Variants in INF2 observed in about 807,000 individuals in gnomAD.
INF2 encodes inverted formin-2.
A neutral mutation model predicts 123.5 loss-of-function variants in INF2; 43 were observed. The observed-to-expected ratio is 0.35, with a 90% CI of 0.27 to 0.45. The LOEUF is 0.45. INF2 is among the 20% of genes least tolerant of loss of function. The pLI is 1.00. For missense variants in INF2, 1,453 were observed against 1,682.7 expected (o/e 0.86, Z 2.39); for synonymous variants, 851 against 745.0 (o/e 1.14, Z -2.32).
At chr14:104,704,513 T>G (rs1390411738) in intron 5 of INF2, 1 of 183,512 alleles carries the variant, frequency 5.4e-6, no homozygotes, top group African/African-American at 2.3e-5. Flanking sequence ...CTGCACCTCA[T>G]GTCAGATCAG....
chr14:104,718,710 G>T, intron 22 of INF2, 85 bp from the exon 23 acceptor site: 1 of 1,572,444 alleles, frequency 6.4e-7, no homozygotes, highest in South Asian at 1.2e-5. Flanking sequence ...GAGGGGTTCA[G>T]GGACCTGGGC....
rs200713451 is a variant in INF2 at position 104,703,122 on chromosome 14, G to A, written c.409G>A (p.Val137Met). 2.8e-5 allele frequency: 45 copies of A among 1,613,486 alleles called. No homozygotes were observed. Among genetic ancestry groups the A allele is most frequent in the Admixed American group, 2.0e-4 (12 of 60,002 alleles). ...CCTGGCAGCCCTGGACACATCCAACGTGATGGTGAAGAAGCAGGTGTTTGA... is the reference window on the plus strand; with the variant it reads ...CCTGGCAGCCCTGGACACATCCAACATGATGGTGAAGAAGCAGGTGTTTGA... ...QLSQALDTSNVMVKKQVFELL... is the reference protein window; with the variant it reads ...QLSQALDTSNMMVKKQVFELL... The change falls in exon 3 of 23, where the codon GTG becomes ATG. Residue 137 changes from valine to methionine, a missense_variant. Val to Met is a conservative substitution (Grantham distance 21). This residue lies in a region of INF2 where 251 missense variants were observed against 349.4 expected (regional missense o/e 0.72). Transcript: ENST00000392634.
chr14:104,699,342 G>A lies in INF2; in HGVS notation c.-9-2015G>A, dbSNP rs1241948242. 1 of 956,084 alleles carries A rather than the reference G, an allele frequency of 1.0e-6. No individual in the cohort carries two copies. The highest frequency in any genetic ancestry group is 1.2e-6 in the Non-Finnish European group (1 of 803,488). 59.2% of individuals were successfully genotyped at this position (956,084 alleles called of 1,614,324 possible). A position where few individuals can be genotyped will look rare whatever the true frequency, so the allele number is the denominator to read the frequency against. On this transcript the variant is annotated intron_variant, in intron 1 of 22. Coordinates refer to ENST00000392634, the MANE Select transcript of INF2 (RefSeq NM_022489.4). This position sits in a 1 kb window ranked among gnomAD's most constrained non-coding sequence, Gnocchi z 4.7. ...GGGAGGAAAGGAGGGTCAGTTCTGGGGCCTCTTTAGGCAGCAACAGCCAAG... is the reference window on the plus strand; with the variant it reads ...GGGAGGAAAGGAGGGTCAGTTCTGGAGCCTCTTTAGGCAGCAACAGCCAAG...
At chr14:104,689,611 C>CCCCCCCCCCCCG, upstream of INF2, 1 of 875,980 alleles carries the variant, frequency 1.1e-6, no homozygotes, top group Non-Finnish European at 1.4e-6. Context: ...CCGCCCGCCC[C>CCCCCCCCCCCCG]GCGCCCGCCA....
chr14:104,707,659 A>T lies in INF2; in HGVS notation c.1392A>T (p.Pro464=). 2.3e-6 allele frequency: 1 copy of T among 442,028 alleles called. No homozygotes were observed. Among genetic ancestry groups the T allele is most frequent in the Non-Finnish European group, 3.5e-6 (1 of 284,896 alleles). The allele number at this position is 442,028 out of a possible 1,614,324, so 27.4% of individuals were successfully genotyped here. The part of the protein sequence containing the change: ...LPTAPPPPPL[P]GLGAMAPPAP... ...CAGCACCCCCGCCCCCACCCCTGCC[A>T]GGCCTGGGGGCCATGGCCCCCCCAG... The change falls in exon 8 of 23, where the codon CCA becomes CCT. Residue 464 remains proline, a synonymous_variant. Coordinates refer to ENST00000392634, the MANE Select transcript of INF2 (RefSeq NM_022489.4).
chr14:104,698,137 G>A (rs749170253), intron 1 of INF2, among the ~76,000 whole-genome samples: 7 of 152,352 alleles, frequency 4.6e-5, no homozygotes, highest in East Asian at 1.9e-4. Flanking sequence ...TGGTGGCCCC[G>A]CCAACCCACT....
chr14:104,706,112 T>G lies in INF2; in HGVS notation c.779T>G (p.Leu260Arg), dbSNP rs770888317. The G allele has an allele frequency of 8.7e-6, 14 of 1,611,988 alleles. No homozygotes were observed. The South Asian group carries it at 1.5e-4, about 18-fold the overall frequency. ...EAKAEDEEELLRVSGGVDMSS... is the reference protein window; with the variant it reads ...EAKAEDEEELRRVSGGVDMSS... The stretch of plus-strand genomic sequence containing the variant: ...AAGGCCGAGGACGAGGAGGAGCTGC[T>G]GCGAGTCTCTGGCGGGGTCGACATG... Residue 260 changes from leucine to arginine, a missense_variant, in exon 6 of 23, where the codon CTG (leucine) becomes CGG (arginine). Around this residue, in one of 8 missense-constraint regions of INF2, gnomAD observed 251 missense variants for 349.4 expected, o/e 0.72. Transcript: ENST00000392634.
Position 104,715,323 on chromosome 14 carries a change from T to A in INF2, c.3734T>A (p.Leu1245Gln), listed in dbSNP as rs761808106. Residue 1245 changes from leucine (L) to glutamine (Q), a missense_variant, in exon 22 of 23, where the codon CTG becomes CAG. Leu to Gln is a moderately radical substitution (Grantham distance 113). Coordinates refer to ENST00000392634, the MANE Select transcript of INF2 (RefSeq NM_022489.4). ...TCTGATGATAATAAAACAAAGAAAC[T>A]GTGTGTGATCCAGTAAGGTATGTAC... ...PDSDDNKTKK[L>Q]CVIQ 5.0e-6 allele frequency: 8 copies of A among 1,612,860 alleles called. No homozygotes were observed. The highest frequency in any genetic ancestry group is 6.8e-6 in the Non-Finnish European group (8 of 1,179,212).
At chr14:104,688,353 G>A (rs1336018253), upstream of INF2, among the ~76,000 whole-genome samples, 2 of 152,118 alleles carry the variant, frequency 1.3e-5, no homozygotes, top group Admixed American at 6.5e-5. Context: ...TATCCCCACC[G>A]GAGCGGAGGC....
At chr14:104,717,956 G>A (rs1328353753) in intron 22 of INF2, among the ~76,000 whole-genome samples, 1 of 152,198 alleles carries the variant, frequency 6.6e-6, no homozygotes, top group Admixed American at 6.5e-5. Context: ...ATTTGATGGG[G>A]ACCAGCGGGG....
At chr14:104,715,184 G>A (rs1361255754) in intron 21 of INF2, 100 bp from the exon 22 acceptor site, 19 of 1,175,356 alleles carry the variant, frequency 1.6e-5, no homozygotes, top group Non-Finnish European at 2.2e-5. Context: ...CTCAGAGGGT[G>A]TTGGCATGGC....
At chr14:104,705,816 G>A (rs937985903) in intron 5 of INF2, among the ~76,000 whole-genome samples, 7 of 152,214 alleles carry the variant, frequency 4.6e-5, no homozygotes, top group Non-Finnish European at 1.0e-4. Context: ...TGACCCGGGG[G>A]CAGCCTGGCA....
At chr14:104,712,668 C>T (rs1246568813) in intron 17 of INF2, 115 bp downstream of exon 17, 7 of 1,546,936 alleles carry the variant, frequency 4.5e-6, no homozygotes, top group South Asian at 1.2e-5. Context: ...CCGAGTTTCC[C>T]CAGGTGTGCA....
chr14:104,705,493 G>T (rs1484117737), intron 5 of INF2, among the ~76,000 whole-genome samples: 3 of 152,174 alleles, frequency 2.0e-5, no homozygotes, highest in Admixed American at 6.5e-5. Flanking sequence ...GGGCTGAAGG[G>T]GGCCGGCCCT....
intron 1 of INF2, among the ~76,000 whole-genome samples, chr14:104,698,431 G>A (rs914426178): frequency 7.9e-5 from 12 of 152,244 alleles, no homozygotes; most frequent in African/African-American, 2.4e-4. Flanking sequence ...ACAGGCGGGC[G>A]GGGGAGTGGG....
intron 16 of INF2, 143 bp from the exon 17 acceptor site, chr14:104,712,290 C>A: frequency 1.7e-6 from 2 of 1,146,020 alleles, no homozygotes; most frequent in Non-Finnish European, 2.5e-6. Context: ...AGGCACTCAA[C>A]CCCAACACTG....
At chr14:104,709,972 C>A (rs1017069039) in intron 12 of INF2, 116 bp from the exon 13 acceptor site, 1 of 922,576 alleles carries the variant, frequency 1.1e-6, no homozygotes, top group Non-Finnish European at 1.7e-6. Context: ...ATGGGGCAGG[C>A]GGTGGAAACC....
Position 104,689,657 on chromosome 14 carries a change from G to A in INF2, c.-92G>A. The A allele has an allele frequency of 9.2e-6, 9 of 982,546 alleles. No homozygotes were observed. The highest frequency in any genetic ancestry group is 1.1e-5 in the Non-Finnish European group (9 of 827,902). 60.9% of individuals were successfully genotyped at this position (982,546 alleles called of 1,614,324 possible). ...TCCGAGCCTTGCGGAGCGCGGCAGT[G>A]GGCGCCGGCTGCCCGCAGCCCCTGA... On this transcript the variant is annotated 5_prime_UTR_variant, in exon 1 of 23. Transcript: ENST00000392634.
intron 1 of INF2, among the ~76,000 whole-genome samples, chr14:104,692,006 C>T (rs1888976326): frequency 1.3e-5 from 2 of 152,210 alleles, no homozygotes; most frequent in African/African-American, 2.4e-5. Context: ...TCTCTCACAG[C>T]CCTTTCTAAG....
Sources: allele counts gnomAD v4.1 joint callset (sites outside exome capture counted in the v4.1 genomes callset), GRCh38; gene constraint gnomAD v4.1.1; regional missense constraint gnomAD v4.1.1; non-coding constraint Gnocchi (gnomAD v3.1); transcripts MANE v1.5; gene names NCBI Gene and HGNC (gene_info 2026-07-23, HGNC 2026-07-21).